The following THBS4 variants were observed in gnomAD, a reference collection of about 807,000 sequenced individuals.
THBS4 encodes the protein thrombospondin 4.
THBS4 carries 90 observed loss-of-function variants against 115.7 expected under a neutral mutation model. That is an observed-to-expected ratio of 0.78 (90% CI 0.66 to 0.93). The LOEUF is 0.93. Ranked by LOEUF, THBS4 falls within the 40% of genes least tolerant of loss-of-function variation. The pLI is 0.00. For missense variants in THBS4, 1,087 were observed against 1,232.7 expected (o/e 0.88, Z 1.77); for synonymous variants, 460 against 479.3 (o/e 0.96, Z 0.53).
intron 2 of THBS4, among the ~76,000 whole-genome samples, chr5:80,012,530 C>T (rs933356436): frequency 6.6e-6 from 1 of 152,096 alleles, no homozygotes; most frequent in South Asian, 2.1e-4. Flanking sequence ...CTGATGAGCT[C>T]CTAGAGGTGT....
chr5:79,992,887 C>T (rs1831713994), intron 1 of THBS4, among the ~76,000 whole-genome samples: 1 of 152,196 alleles, frequency 6.6e-6, no homozygotes, highest in Non-Finnish European at 1.5e-5. Context: ...ATTCAACTTT[C>T]AGATTGTAAT....
chr5:80,071,119 C>A lies in THBS4; in HGVS notation c.1659C>A (p.Asp553Glu), dbSNP rs568927878. The A allele has an allele frequency of 5.6e-6, 9 of 1,609,322 alleles. No homozygotes were observed. Among genetic ancestry groups the A allele is most frequent in the African/African-American group, 1.3e-5 (1 of 74,748 alleles). Residue 553 changes from aspartate to glutamate, a missense_variant, in exon 13 of 22, where the codon GAC becomes GAA. Physicochemically the swap from Asp to Glu is conservative, Grantham distance 45. Transcript: ENST00000350881. ...CDNCLSVLNNDQKDTDGDGRG... is the reference protein window; with the variant it reads ...CDNCLSVLNNEQKDTDGDGRG... ...ACTGCCTGAGTGTCTTAAATAACGA[C>A]CAGAAAGACACCGATGGGGATGGAA...
intron 2 of THBS4, among the ~76,000 whole-genome samples, chr5:80,008,690 T>G (rs967706787): frequency 6.6e-6 from 1 of 152,148 alleles, no homozygotes; most frequent in African/African-American, 2.4e-5. Context: ...AGTTAATTCT[T>G]TGTTGTGAGG....
At chr5:79,991,801 T>A (rs1272780929) in intron 1 of THBS4, among the ~76,000 whole-genome samples, 4 of 152,244 alleles carry the variant, frequency 2.6e-5, no homozygotes, top group African/African-American at 9.6e-5. Context: ...CTTTCTTCCC[T>A]ATGCAGCTGC....
At chr5:80,056,075 G>A in intron 3 of THBS4, 43 bp downstream of exon 3, 1 of 1,556,238 alleles carries the variant, frequency 6.4e-7, no homozygotes, top group Non-Finnish European at 8.7e-7. Flanking sequence ...AAAATGAGCT[G>A]CCAGTGCCTA....
intron 2 of THBS4, among the ~76,000 whole-genome samples, chr5:80,004,856 G>A (rs1831984191): frequency 6.6e-6 from 1 of 152,002 alleles, no homozygotes; most frequent in African/African-American, 2.4e-5. Flanking sequence ...TCCTGCCTCA[G>A]CCTCCTGAAT....
chr5:80,009,764 A>C (rs991518239), intron 2 of THBS4, among the ~76,000 whole-genome samples: 5 of 152,036 alleles, frequency 3.3e-5, no homozygotes, highest in African/African-American at 9.7e-5. Context: ...AGGATAATGC[A>C]AAAAAAATTC....
intron 13 of THBS4, 36 bp from the exon 14 acceptor site, chr5:80,072,242 A>G: frequency 6.3e-7 from 1 of 1,592,792 alleles, no homozygotes. Flanking sequence ...AGTCAGTGAC[A>G]TTCCCCTGAC....
intron 15 of THBS4, 59 bp downstream of exon 15, chr5:80,073,386 G>GTTT (rs749915300): frequency 8.1e-5 from 113 of 1,390,982 alleles, no homozygotes; most frequent in South Asian, 1.2e-4. Context: ...AGGGTTTTTG[G>GTTT]TTTGTTTTTT....
chr5:80,070,323 T>C lies in THBS4; in HGVS notation c.1365T>C (p.Ala455=). 6.3e-7 allele frequency: 1 copy of C among 1,593,934 alleles called. No homozygotes were observed. Among genetic ancestry groups the C allele is most frequent in the South Asian group, 1.2e-5 (1 of 86,436 alleles). ...CTTTACAGTGTGGAGTCGGTTGGGC[T>C]GGAGATGGCTATATCTGTGGAAAGG... is the stretch of plus-strand genomic sequence containing the variant. The part of the protein sequence containing the change: ...DVTCVCGVGW[A]GDGYICGKDV... The change falls in exon 11 of 22, where the codon GCT becomes GCC. Residue 455 remains alanine, a synonymous_variant. Transcript: ENST00000350881.
intron 1 of THBS4, among the ~76,000 whole-genome samples, chr5:79,994,270 C>T (rs990832471): frequency 9.2e-5 from 14 of 152,066 alleles, no homozygotes; most frequent in African/African-American, 3.4e-4. Context: ...AATATCAGTA[C>T]CCATATAGCC....
chr5:80,079,511 G>T (rs1282558591), intron 19 of THBS4, among the ~76,000 whole-genome samples: 1 of 152,158 alleles, frequency 6.6e-6, no homozygotes, highest in Non-Finnish European at 1.5e-5. Context: ...GCATCTTCAG[G>T]CACACTGTGT....
rs376263769 is a variant in THBS4 at position 80,069,946 on chromosome 5, ACT to A, written c.1348-354_1348-353del. On this transcript the variant is annotated intron_variant, in intron 10 of 21. Transcript: ENST00000350881. ...CCTTGGCCCAGACTCTGCTCCTCAGACTCTCTCCCTCTTCCTTCCTTTACCTC... is the reference window on the plus strand; with the variant it reads ...CCTTGGCCCAGACTCTGCTCCTCAGACTCTCCCTCTTCCTTCCTTTACCTC... Among the ~76,000 whole-genome samples the A allele has an allele frequency of 3.8e-4, 57 of 151,378 alleles. No homozygotes were observed. The East Asian group carries it at 8.2e-3, about 22-fold the overall frequency.
Position 80,040,300 on chromosome 5 carries a change from T to C in THBS4, c.292+20T>C, listed in dbSNP as rs760078973. The C allele has an allele frequency of 1.3e-6, 2 of 1,582,190 alleles. No homozygotes were observed. The highest frequency in any genetic ancestry group is 4.5e-5 in the East Asian group (2 of 44,082). On this transcript the variant is annotated intron_variant, in intron 2 of 21. Transcript: ENST00000350881. ...ACAAAGGTAAGCAAATTTGCTGAAATTATTTTCTTAAAAATCTCCTTTTTC... is the reference window on the plus strand; with the variant it reads ...ACAAAGGTAAGCAAATTTGCTGAAACTATTTTCTTAAAAATCTCCTTTTTC...
chr5:80,000,138 A>G (rs1203124159), intron 2 of THBS4, among the ~76,000 whole-genome samples: 2 of 152,196 alleles, frequency 1.3e-5, no homozygotes, highest in Admixed American at 1.3e-4. Context: ...ATTATTATTA[A>G]TTTATATTAC....
intron 3 of THBS4, among the ~76,000 whole-genome samples, chr5:80,057,096 T>C (rs1833457424): frequency 6.6e-6 from 1 of 152,212 alleles, no homozygotes; most frequent in African/African-American, 2.4e-5. Flanking sequence ...ATTTTTAATG[T>C]AGATTTACAT....
At chr5:80,004,562 A>G (rs1177820798) in intron 2 of THBS4, among the ~76,000 whole-genome samples, 1 of 152,218 alleles carries the variant, frequency 6.6e-6, no homozygotes, top group Non-Finnish European at 1.5e-5. Flanking sequence ...AAGCAAACAG[A>G]TAAAAGGTTA....
intron 9 of THBS4, chr5:80,067,013 A>G (rs893765562): frequency 2.0e-5 from 3 of 152,210 alleles, no homozygotes; most frequent in Non-Finnish European, 2.9e-5. Flanking sequence ...TAAACAATAT[A>G]TATACTTCAA....
At chr5:80,076,732 T>G in intron 15 of THBS4, 123 bp from the exon 16 acceptor site, 1 of 1,023,312 alleles carries the variant, frequency 9.8e-7, no homozygotes, top group Non-Finnish European at 1.4e-6. Flanking sequence ...CCCCAGTGGG[T>G]TTGATTTTAA....
Sources: gnomAD v4.1 joint callset for allele counts (sites outside exome capture counted in the v4.1 genomes callset) on GRCh38, gnomAD v4.1.1 for gene constraint, MANE v1.5 for transcripts, NCBI Gene and HGNC (gene_info 2026-07-23, HGNC 2026-07-21) for gene names.